Variants in KPNA3 observed in about 807,000 individuals in gnomAD.
KPNA3 encodes the protein karyopherin subunit alpha 3, also known as importin subunit alpha-4.
KPNA3 carries 13 observed loss-of-function variants against 73.8 expected under a neutral mutation model. The observed-to-expected ratio is 0.18, with a 90% CI of 0.11 to 0.28. The LOEUF is 0.28. KPNA3 is among the 10% of genes least tolerant of loss of function. The pLI is 1.00. For missense variants in KPNA3, 360 were observed against 618.1 expected, an observed-to-expected ratio of 0.58 and a Z score of 4.43; for synonymous variants, 186 against 206.9, an observed-to-expected ratio of 0.90 and a Z score of 0.87.
intron 1 of KPNA3, among the ~76,000 whole-genome samples, chr13:49,764,437 C>T (rs1174319005): frequency 6.6e-6 from 1 of 152,174 alleles, no homozygotes; most frequent in African/African-American, 2.4e-5. Context: ...CAAAAAGCTA[C>T]TGCTCAAGCC....
chr13:49,738,514 C>T (rs1315922676), intron 2 of KPNA3, among the ~76,000 whole-genome samples: 1 of 152,176 alleles, frequency 6.6e-6, no homozygotes, highest in Non-Finnish European at 1.5e-5. Context: ...ATTTACTTGT[C>T]TTGTTTCATG....
chr13:49,706,037 T>A (rs944264798), intron 14 of KPNA3, 61 bp downstream of exon 14: 4 of 1,435,256 alleles, frequency 2.8e-6, no homozygotes, highest in African/African-American at 1.4e-5. Context: ...CTACGAAACA[T>A]AAGAGAGCAG....
intron 2 of KPNA3, among the ~76,000 whole-genome samples, chr13:49,745,067 T>C (rs1480812236): frequency 6.6e-6 from 1 of 152,182 alleles, no homozygotes. Context: ...TGTGATTATT[T>C]ATCTAGTGTT....
chr13:49,702,287 TATGTC>T (rs1001070800), intron 16 of KPNA3, 94 bp downstream of exon 16: 1 of 688,842 alleles, frequency 1.5e-6, no homozygotes, highest in African/African-American at 1.9e-5. Context: ...AGTACAAACT[TATGTC>T]ATCCTAATAA....
chr13:49,730,033 G>A (rs1022051453), intron 6 of KPNA3, among the ~76,000 whole-genome samples: 1 of 152,110 alleles, frequency 6.6e-6, no homozygotes, highest in African/African-American at 2.4e-5. Context: ...CATAAAGTCA[G>A]ATCCAAATCA....
intron 1 of KPNA3, among the ~76,000 whole-genome samples, chr13:49,791,916 C>T (rs979503853): frequency 8.5e-5 from 13 of 152,204 alleles, no homozygotes; most frequent in Non-Finnish European, 1.6e-4. Context: ...TGGTCCCCAC[C>T]CCCCTCTGCG....
chr13:49,768,107 G>A (rs1327424346), intron 1 of KPNA3, among the ~76,000 whole-genome samples: 2 of 151,802 alleles, frequency 1.3e-5, no homozygotes, highest in Non-Finnish European at 2.9e-5. Context: ...ATGAAACCCC[G>A]TCTCTACTAA....
At chr13:49,791,077 T>C (rs539448515) in intron 1 of KPNA3, among the ~76,000 whole-genome samples, 9 of 152,362 alleles carry the variant, frequency 5.9e-5, no homozygotes, top group Admixed American at 5.2e-4. Context: ...ATGATCTTTA[T>C]TTGACTCATT....
chr13:49,721,884 C>T (rs557454172), intron 9 of KPNA3, 71 bp downstream of exon 9: 8 of 1,040,800 alleles, frequency 7.7e-6, no homozygotes, highest in Non-Finnish European at 1.1e-5. Flanking sequence ...TATTTTGTCC[C>T]CTGTATATGA....
intron 1 of KPNA3, among the ~76,000 whole-genome samples, chr13:49,764,066 C>CAAAA (rs11301654): frequency 7.5e-5 from 6 of 79,940 alleles, no homozygotes; most frequent in Admixed American, 1.4e-4. Context: ...GACCCTGTCT[C>CAAAA]AAAAAAAAAA....
At chr13:49,771,119 C>CA (rs34079476) in intron 1 of KPNA3, among the ~76,000 whole-genome samples, 47,746 of 120,418 alleles carry the variant, frequency 0.4, 9,140 homozygotes, top group East Asian at 0.69. Context: ...GTTGATATTT[C>CA]AAAAAAAAAA....
chr13:49,732,342 A>C, intron 6 of KPNA3, 29 bp downstream of exon 6: 1 of 1,193,968 alleles, frequency 8.4e-7, no homozygotes, highest in Admixed American at 2.2e-5. Flanking sequence ...ACTGAAAAAA[A>C]CTGAATAGGG....
intron 14 of KPNA3, 127 bp from the exon 15 acceptor site, chr13:49,705,910 T>A: frequency 9.9e-7 from 1 of 1,009,058 alleles, no homozygotes; most frequent in Non-Finnish European, 1.4e-6. Context: ...CTGTAGTGCG[T>A]TATGGTCATG....
chr13:49,738,648 C>A (rs1392283693), intron 2 of KPNA3, among the ~76,000 whole-genome samples: 1 of 152,058 alleles, frequency 6.6e-6, no homozygotes, highest in Non-Finnish European at 1.5e-5. Flanking sequence ...TTGGTTTCTG[C>A]ATGTTCAGCA....
chr13:49,771,309 ATCTT>A (rs1363011972), intron 1 of KPNA3, among the ~76,000 whole-genome samples: 2 of 152,152 alleles, frequency 1.3e-5, no homozygotes, highest in African/African-American at 4.8e-5. Context: ...ATTTACTTAG[ATCTT>A]TCTTTCAATG....
intron 1 of KPNA3, among the ~76,000 whole-genome samples, chr13:49,762,691 C>A (rs998848949): frequency 6.6e-5 from 10 of 151,942 alleles, no homozygotes; most frequent in Admixed American, 6.5e-5. Context: ...GTCATCACCA[C>A]TCCCTAATCT....
rs768561374 is a variant in KPNA3, at chr13:49,719,868, T to A, written c.727-49A>T. 3 of 1,221,090 alleles carry A rather than the reference T, an allele frequency of 2.5e-6. No individual in the cohort carries two copies. The Admixed American group carries it at 5.5e-5, about 22-fold the overall frequency. 75.6% of individuals were successfully genotyped at this position (1,221,090 alleles called of 1,614,324 possible). On this transcript the variant is annotated intron_variant, in intron 9 of 16. Coordinates refer to ENST00000261667, the MANE Select transcript of KPNA3 (RefSeq NM_002267.4). ...CTTAACATTAGTTAATTAATATGTC[T>A]GTAAAAATGAACAACTTTGACATAA...
chr13:49,706,839 C>T (rs1478530171), intron 12 of KPNA3, among the ~76,000 whole-genome samples: 1 of 152,046 alleles, frequency 6.6e-6, no homozygotes, highest in African/African-American at 2.4e-5. Flanking sequence ...AGCTCCGCCT[C>T]CCGGGTTCAC....
intron 1 of KPNA3, among the ~76,000 whole-genome samples, chr13:49,760,163 C>A (rs1840742091): frequency 6.6e-6 from 1 of 152,120 alleles, no homozygotes; most frequent in African/African-American, 2.4e-5. Flanking sequence ...TGGCTCATGC[C>A]TGTAAACCCA....
Sources: gnomAD v4.1 joint callset for allele counts (sites outside exome capture counted in the v4.1 genomes callset) on GRCh38, gnomAD v4.1.1 for gene constraint, MANE v1.5 for transcripts, NCBI Gene and HGNC (gene_info 2026-07-23, HGNC 2026-07-21) for gene names.